The following CORIN variants were observed in gnomAD, a reference collection of about 807,000 sequenced individuals.
CORIN encodes corin, serine peptidase.
A neutral mutation model predicts 125.3 loss-of-function variants in CORIN; 117 were observed. The ratio of observed to expected loss-of-function variants is 0.93; its 90% CI spans 0.80 to 1.09. CORIN has a LOEUF of 1.09. Among genes scored for constraint, CORIN ranks in the 50% least tolerant of loss-of-function variants. The pLI, the probability that CORIN is intolerant of heterozygous loss-of-function variation, is 0.00. For synonymous variants in CORIN, 450 were observed against 466.4 expected (o/e 0.96, Z 0.45); for missense variants, 1,253 against 1,306.7 (o/e 0.96, Z 0.63).
chr4:47,672,207 C>T (rs925173107), intron 10 of CORIN, among the ~76,000 whole-genome samples: 7 of 152,128 alleles, frequency 4.6e-5, no homozygotes, highest in Non-Finnish European at 8.8e-5. Flanking sequence ...GCGCCCATCC[C>T]GATGCTTGGA....
chr4:47,649,485 T>C (rs1723642898), intron 13 of CORIN, among the ~76,000 whole-genome samples: 1 of 152,226 alleles, frequency 6.6e-6, no homozygotes, highest in African/African-American at 2.4e-5. Flanking sequence ...CGCCTCCTGA[T>C]TTTCCACCAC....
intron 1 of CORIN, among the ~76,000 whole-genome samples, chr4:47,826,814 G>C (rs1364755193): frequency 6.6e-6 from 1 of 152,040 alleles, no homozygotes; most frequent in Non-Finnish European, 1.5e-5. Flanking sequence ...ATAAAGCCCT[G>C]TACCCTCTAA....
intron 20 of CORIN, 21 bp from the exon 21 acceptor site, chr4:47,600,368 AAT>A (rs770492953): frequency 4.2e-5 from 66 of 1,582,246 alleles, no homozygotes; most frequent in Non-Finnish European, 5.3e-5. Flanking sequence ...AAAAAATAAG[AAT>A]ATATATATGA....
intron 3 of CORIN, among the ~76,000 whole-genome samples, chr4:47,767,378 AT>A (rs1319490674): frequency 2.6e-5 from 4 of 152,136 alleles, no homozygotes; most frequent in Non-Finnish European, 5.9e-5. Flanking sequence ...AAAAAGAAAA[AT>A]ATTCATCTAT....
rs1165278655 is a variant in CORIN, at chr4:47,665,049, C to T, written c.1572G>A (p.Glu524=). 4 of 1,609,772 alleles carry T rather than the reference C, an allele frequency of 2.5e-6. No individual in the cohort carries two copies. The Admixed American group carries it at 6.7e-5, about 27-fold the overall frequency. The change falls in exon 11 of 22, where the codon GAG becomes GAA. Residue 524 remains glutamate (E), a synonymous_variant. Transcript: ENST00000273857. ...CATATTACCTGCAAGGAGGGATATG[C>T]TCGCCTGTATTCACATCACATTTTG... ...LVPKCDVNTG[E]HIPPCRALCE...
In CORIN at chr4:47,806,434, C is replaced by T. The variant is rs144562542; in HGVS notation, c.208+469G>A. On this transcript the variant is annotated intron_variant, in intron 2 of 21. Coordinates refer to ENST00000273857, the MANE Select transcript of CORIN (RefSeq NM_006587.4). The stretch of plus-strand genomic sequence containing the variant: ...TAGTTATTTTCTCTGCCAAATGTGA[C>T]TCCTGAACTACTGTCTTCTAACCTA... Among the ~76,000 whole-genome samples the T allele has an allele frequency of 1.2e-4, 18 of 152,318 alleles. No homozygotes were observed. The East Asian group carries it at 2.9e-3, about 24-fold the overall frequency.
At chr4:47,773,500 T>C (rs893336491) in intron 3 of CORIN, among the ~76,000 whole-genome samples, 1 of 152,206 alleles carries the variant, frequency 6.6e-6, no homozygotes, top group Non-Finnish European at 1.5e-5. Context: ...TGGTCCTTAA[T>C]GTATTTGTAA....
At chr4:47,828,804 G>A (rs1298026015) in intron 1 of CORIN, among the ~76,000 whole-genome samples, 1 of 152,100 alleles carries the variant, frequency 6.6e-6, no homozygotes. Flanking sequence ...AGCATGTGCA[G>A]TGTAGCTCAT....
intron 5 of CORIN, among the ~76,000 whole-genome samples, chr4:47,698,119 G>C (rs1460289993): frequency 6.6e-6 from 1 of 151,410 alleles, no homozygotes; most frequent in Admixed American, 6.6e-5. Flanking sequence ...CCCTTGCCTT[G>C]GGAAGCTTAT....
chr4:47,765,012 G>A (rs1025086355), intron 3 of CORIN, among the ~76,000 whole-genome samples: 2 of 152,030 alleles, frequency 1.3e-5, no homozygotes, highest in African/African-American at 2.4e-5. Flanking sequence ...AAAAATGCAA[G>A]ATAGAAAACA....
intron 3 of CORIN, among the ~76,000 whole-genome samples, chr4:47,780,994 G>A (rs1250096659): frequency 2.7e-5 from 4 of 149,766 alleles, no homozygotes; most frequent in Admixed American, 2.0e-4. Context: ...CACAAAAGAA[G>A]GCAGTAATCC....
At chr4:47,715,582 G>A (rs1450189753) in intron 5 of CORIN, among the ~76,000 whole-genome samples, 1 of 152,040 alleles carries the variant, frequency 6.6e-6, no homozygotes, top group East Asian at 1.9e-4. Flanking sequence ...CTGGGTGAAA[G>A]AGCAAGACTC....
chr4:47,713,009 T>C (rs947370688), intron 5 of CORIN, among the ~76,000 whole-genome samples: 1 of 152,100 alleles, frequency 6.6e-6, no homozygotes, highest in Non-Finnish European at 1.5e-5. Context: ...TTATAGTAGA[T>C]AATACGCATA....
At chr4:47,670,284 C>T (rs4695267) in intron 10 of CORIN, among the ~76,000 whole-genome samples, 117,186 of 152,192 alleles carry the variant, frequency 0.77, 45,891 homozygotes, top group African/African-American at 0.92. Context: ...ATTAATTCAA[C>T]GTGTTACCAA....
At chr4:47,624,868 T>C (rs1169553303) in intron 17 of CORIN, among the ~76,000 whole-genome samples, 1 of 140,310 alleles carries the variant, frequency 7.1e-6, no homozygotes, top group East Asian at 2.0e-4. Flanking sequence ...GAATCCTAGA[T>C]CTATCAGATT....
Position 47,645,189 on chromosome 4 carries a change from TA to T in CORIN, c.1848del (p.Cys616Ter). ...DDDSDEENCG[C>X]KERDLWECPS... ...GGACATTCCCAAAGATCTCTCTCTTTACAACCTAGAGACAGAAGAAAAGGTT... is the reference window on the plus strand; with the variant it reads ...GGACATTCCCAAAGATCTCTCTCTTTCAACCTAGAGACAGAAGAAAAGGTT... On this transcript the variant is annotated frameshift_variant, in exon 14 of 22. Coordinates refer to ENST00000273857, the MANE Select transcript of CORIN (RefSeq NM_006587.4). LOFTEE classifies it high-confidence loss of function. 6.4e-7 allele frequency: 1 copy of T among 1,570,694 alleles called. No homozygotes were observed. Among genetic ancestry groups the T allele is most frequent in the South Asian group, 1.1e-5 (1 of 89,340 alleles).
chr4:47,635,039 A>C (rs938183760), intron 16 of CORIN, among the ~76,000 whole-genome samples: 1 of 152,216 alleles, frequency 6.6e-6, no homozygotes. Context: ...GGAAATGTAA[A>C]AGATTAGGTT....
At chr4:47,750,264 G>A (rs894821728) in intron 4 of CORIN, among the ~76,000 whole-genome samples, 1 of 152,184 alleles carries the variant, frequency 6.6e-6, no homozygotes, top group Non-Finnish European at 1.5e-5. Flanking sequence ...CACTAAACGT[G>A]GGGATGGACA....
rs183037700 is a variant in CORIN, at chr4:47,730,397, C to T, written c.799+14005G>A. Among the ~76,000 whole-genome samples, 1,002 of 148,702 alleles carry T rather than the reference C, an allele frequency of 6.7e-3. 5 individuals are homozygous for T. The highest frequency in any genetic ancestry group is 0.011 in the Non-Finnish European group (749 of 67,598). On this transcript the variant is annotated intron_variant, in intron 5 of 21. Coordinates refer to ENST00000273857, the MANE Select transcript of CORIN (RefSeq NM_006587.4). ...CTGAGGCAGGAGAATCGCATGAACC[C>T]GGAAGGCAGAGGTTGCAGTGAACTG...
Sources: allele counts gnomAD v4.1 joint callset (sites outside exome capture counted in the v4.1 genomes callset), GRCh38; gene constraint gnomAD v4.1.1; transcripts MANE v1.5; gene names NCBI Gene and HGNC (gene_info 2026-07-23, HGNC 2026-07-21).